Variants in JPH2 observed in about 807,000 individuals in gnomAD.
The protein encoded by JPH2 is junctophilin-2.
Under a neutral mutation model 55.9 loss-of-function variants are expected in JPH2, and 38 were observed. That is an observed-to-expected ratio of 0.68 (90% confidence interval 0.52 to 0.89). The LOEUF is 0.89. Among genes scored for constraint, JPH2 ranks in the 40% least tolerant of loss-of-function variants. The probability of loss-of-function intolerance (pLI) is 0.00; values close to 1 mark genes in which losing one functional copy is unlikely to be tolerated. For missense variants in JPH2, 964 were observed against 1,037.6 expected (o/e 0.93, Z 0.97); for synonymous variants, 480 against 472.4 (o/e 1.02, Z -0.21).
At chr20:44,123,877 C>G (rs1408157625) in intron 2 of JPH2, among the ~76,000 whole-genome samples, 2 of 152,172 alleles carry the variant, frequency 1.3e-5, no homozygotes, top group African/African-American at 2.4e-5. Context: ...TGCTCAACCC[C>G]CTAGGAGCCT....
At chr20:44,131,674 T>C (rs1378696715) in intron 2 of JPH2, among the ~76,000 whole-genome samples, 1 of 152,212 alleles carries the variant, frequency 6.6e-6, no homozygotes, top group Non-Finnish European at 1.5e-5. Context: ...ACTTAAGTAA[T>C]TTTCCAGTTT....
At chr20:44,176,961 C>G in intron 1 of JPH2, 3 of 985,474 alleles carry the variant, frequency 3.0e-6, no homozygotes, top group Non-Finnish European at 3.6e-6. Context: ...CAATGGGCAG[C>G]CAGCAGTGGC....
At chr20:44,126,205 A>AGGAAGGAAGGAG (rs1600835435) in intron 2 of JPH2, among the ~76,000 whole-genome samples, 1 of 94,294 alleles carries the variant, frequency 1.1e-5, no homozygotes, top group African/African-American at 4.0e-5. Flanking sequence ...GAAGGAAGGA[A>AGGAAGGAAGGAG]GAAGGGGGGG....
At chr20:44,114,643 T>G (rs1336248463) in intron 5 of JPH2, 139 bp downstream of exon 5, 1 of 646,604 alleles carries the variant, frequency 1.5e-6, no homozygotes, top group Non-Finnish European at 2.8e-6. Context: ...AGGTCTTGGC[T>G]TCTGCAGGTG....
intron 2 of JPH2, among the ~76,000 whole-genome samples, chr20:44,144,857 A>G (rs2145866523): frequency 6.6e-6 from 1 of 152,352 alleles, no homozygotes; most frequent in Admixed American, 6.5e-5. Context: ...GGGGGCACTC[A>G]GAGATGCCCT....
At chr20:44,166,730 T>A (rs2072658579) in intron 1 of JPH2, among the ~76,000 whole-genome samples, 1 of 152,132 alleles carries the variant, frequency 6.6e-6, no homozygotes, top group African/African-American at 2.4e-5. Context: ...AGGACAGTTC[T>A]CCCTGGAGAC....
At chr20:44,174,865 C>G (rs1019857633) in intron 1 of JPH2, among the ~76,000 whole-genome samples, 6 of 151,962 alleles carry the variant, frequency 3.9e-5, no homozygotes, top group Non-Finnish European at 8.8e-5. Context: ...TGGTGGTGCA[C>G]GTCTGTGGTC....
Position 44,116,306 on chromosome 20 carries a change from C to T in JPH2, c.1369G>A (p.Ala457Thr). The T allele has an allele frequency of 6.5e-7, 1 of 1,541,372 alleles. No individual in the cohort carries two copies. The highest frequency in any genetic ancestry group is 8.7e-7 in the Non-Finnish European group (1 of 1,145,376). The change falls in exon 4 of 6, where the codon GCC becomes ACC. Residue 457 changes from alanine (A) to threonine (T), a missense_variant. Ala to Thr is a moderately conservative substitution (Grantham distance 58, BLOSUM62 0). Coordinates refer to ENST00000372980, the MANE Select transcript of JPH2 (RefSeq NM_020433.5). ...GGCTGTGGGAGGCCCGCTGCGCCGG[C>T]GCCCCGGTCGGGGGGCTCCAGCAGG... is the stretch of plus-strand genomic sequence containing the variant. ...ESLLEPPDRG[A>T]GAAGLPQPPR...
chr20:44,185,669 AGATG>A (rs34539425), intron 1 of JPH2, among the ~76,000 whole-genome samples: 6,074 of 148,008 alleles, frequency 0.041, 393 homozygotes, highest in African/African-American at 0.14. Flanking sequence ...GATGGATCAT[AGATG>A]GATGGATGGA....
intron 2 of JPH2, among the ~76,000 whole-genome samples, chr20:44,134,381 A>ATTT (rs2072371454): frequency 3.5e-4 from 2 of 5,668 alleles, no homozygotes; most frequent in Non-Finnish European, 5.7e-4. Context: ...AAATATATAT[A>ATTT]AATAAATATA....
intron 1 of JPH2, among the ~76,000 whole-genome samples, chr20:44,172,871 A>T (rs955246868): frequency 1.3e-4 from 20 of 152,196 alleles, no homozygotes; most frequent in African/African-American, 4.8e-4. Context: ...CTGTGGTGCA[A>T]GTGAGAATAT....
At position 44,115,651 on chromosome 20, in the gene JPH2, C is replaced by T. The variant is rs934949633; in HGVS notation, c.2010+14G>A. 2 of 1,611,930 alleles carry T rather than the reference C, an allele frequency of 1.2e-6. No individual in the cohort carries two copies. Among genetic ancestry groups the T allele is most frequent in the South Asian group, 2.2e-5 (2 of 90,998 alleles). On this transcript the variant is annotated intron_variant, in intron 4 of 5. Coordinates refer to ENST00000372980, the MANE Select transcript of JPH2 (RefSeq NM_020433.5). ...GGAACCCGACCTTAGGCACACCTTG[C>T]CCGACAGCCTCACCTCTTCCACCTC...
intron 2 of JPH2, among the ~76,000 whole-genome samples, chr20:44,124,385 C>T (rs2072261564): frequency 6.6e-6 from 1 of 152,178 alleles, no homozygotes; most frequent in Non-Finnish European, 1.5e-5. Context: ...TGCCGCGATC[C>T]TGGCCTTAAA....
At chr20:44,151,993 T>C (rs553919269) in intron 2 of JPH2, among the ~76,000 whole-genome samples, 1 of 152,328 alleles carries the variant, frequency 6.6e-6, no homozygotes, top group African/African-American at 2.4e-5. Flanking sequence ...CTGGGACAGC[T>C]AGTTGCTCTT....
intron 2 of JPH2, among the ~76,000 whole-genome samples, chr20:44,133,871 ATATAAATATATATTTAT>A (rs1308957456): frequency 1.1e-5 from 1 of 94,128 alleles, no homozygotes; most frequent in Admixed American, 1.8e-4. Context: ...ACATTATAAT[ATATAAATATATATTTAT>A]TATAAATATA....
At chr20:44,179,802 A>G (rs1367935456) in intron 1 of JPH2, among the ~76,000 whole-genome samples, 1 of 152,154 alleles carries the variant, frequency 6.6e-6, no homozygotes, top group East Asian at 1.9e-4. Flanking sequence ...ATCAAATTGC[A>G]TCTCTGCTTC....
In JPH2 at chr20:44,160,118, C is replaced by T. The variant is rs1169464584; in HGVS notation, c.669G>A (p.Arg223=). The change falls in exon 2 of 6, where the codon CGG becomes CGA. Residue 223 remains arginine, a synonymous_variant. Coordinates refer to ENST00000372980, the MANE Select transcript of JPH2 (RefSeq NM_020433.5). This position sits in a 1 kb window ranked among gnomAD's most constrained non-coding sequence, Gnocchi z 4.9. ...GCCGCAGCTTGCCCAGCAGCGCGCC[C>T]CGCTGGAAGAGGCCGCCGCCCTTGG... ...RAPKGGGLFQ[R]GALLGKLRRA... The T allele has an allele frequency of 4.8e-5, 72 of 1,509,360 alleles. No homozygotes were observed. The highest frequency in any genetic ancestry group is 6.1e-5 in the Non-Finnish European group (69 of 1,135,508). 93.5% of individuals were successfully genotyped at this position (1,509,360 alleles called of 1,614,324 possible). A position where few individuals can be genotyped will look rare whatever the true frequency, so the allele number is the denominator to read the frequency against.
intron 2 of JPH2, among the ~76,000 whole-genome samples, chr20:44,152,783 A>G (rs2072540727): frequency 6.6e-6 from 1 of 152,198 alleles, no homozygotes; most frequent in African/African-American, 2.4e-5. Flanking sequence ...TTAGTTAAGG[A>G]AAAGGCCTCC....
intron 2 of JPH2, among the ~76,000 whole-genome samples, chr20:44,153,544 G>A (rs1409487632): frequency 6.6e-6 from 1 of 152,206 alleles, no homozygotes; most frequent in Non-Finnish European, 1.5e-5. Flanking sequence ...AGGAGATGGA[G>A]GTGGGGGGCT....
Sources: gnomAD v4.1 joint callset for allele counts (sites outside exome capture counted in the v4.1 genomes callset) on GRCh38, gnomAD v4.1.1 for gene constraint, Gnocchi (gnomAD v3.1) non-coding constraint, MANE v1.5 for transcripts, NCBI Gene and HGNC (gene_info 2026-07-23, HGNC 2026-07-21) for gene names.